ROBO2: variants seen among roughly 807,000 people sequenced by gnomAD.
ROBO2 encodes the protein roundabout guidance receptor 2.
ROBO2 carries 53 observed loss-of-function variants against 160.8 expected under a neutral mutation model. The ratio of observed to expected loss-of-function variants is 0.33; its 90% CI spans 0.26 to 0.41. The LOEUF is 0.41. ROBO2 is among the 10% of genes least tolerant of loss of function. The pLI is 1.00. For synonymous variants in ROBO2, 664 were observed against 611.7 expected, an observed-to-expected ratio of 1.09 and a Z score of -1.26; for missense variants, 1,577 against 1,722.4, an observed-to-expected ratio of 0.92 and a Z score of 1.49.
chr3:76,933,105 A>G (rs2077461428), intron 2 of ROBO2, among the ~76,000 whole-genome samples: 1 of 152,226 alleles, frequency 6.6e-6, no homozygotes, highest in Non-Finnish European at 1.5e-5. Context: ...AAAACTTCAA[A>G]TACTCAAGAA....
intron 16 of ROBO2, among the ~76,000 whole-genome samples, chr3:77,584,021 G>T (rs2093981389): frequency 6.6e-6 from 1 of 152,136 alleles, no homozygotes; most frequent in Admixed American, 6.5e-5. Flanking sequence ...GTGAACATGA[G>T]CTTAAACCTG....
intron 2 of ROBO2, among the ~76,000 whole-genome samples, chr3:76,186,347 C>T (rs1701762253): frequency 6.6e-6 from 1 of 152,044 alleles, no homozygotes. Flanking sequence ...CTATCTCCTT[C>T]CCCCATACCC....
intron 2 of ROBO2, among the ~76,000 whole-genome samples, chr3:76,302,481 G>T (rs1709410838): frequency 6.6e-6 from 1 of 151,970 alleles, no homozygotes; most frequent in East Asian, 1.9e-4. Context: ...GAGCACTCAG[G>T]GGAGAACCGC....
intron 2 of ROBO2, among the ~76,000 whole-genome samples, chr3:76,074,465 T>C (rs556049115): frequency 6.6e-6 from 1 of 152,320 alleles, no homozygotes; most frequent in African/African-American, 2.4e-5. Flanking sequence ...GATTAATTGG[T>C]AATGTGTAAT....
chr3:76,478,185 C>T (rs192042222), intron 2 of ROBO2, among the ~76,000 whole-genome samples: 1 of 127,314 alleles, frequency 7.9e-6, no homozygotes, highest in African/African-American at 2.9e-5. Flanking sequence ...CCCTCCCCCC[C>T]ACCCCACAAC....
intron 2 of ROBO2, among the ~76,000 whole-genome samples, chr3:76,707,633 A>G (rs2093194737): frequency 1.3e-5 from 2 of 151,206 alleles, no homozygotes; most frequent in Admixed American, 1.3e-4. Flanking sequence ...CCTAAATACT[A>G]AGACCCATGG....
chr3:76,691,886 T>C (rs1368280559), intron 2 of ROBO2, among the ~76,000 whole-genome samples: 1 of 152,106 alleles, frequency 6.6e-6, no homozygotes, highest in Non-Finnish European at 1.5e-5. Flanking sequence ...GTACAAATTC[T>C]AGTGACGAAC....
Position 76,066,411 on chromosome 3 carries a change from C to A in ROBO2, c.109+128809C>A, listed in dbSNP as rs2068255592. Among the ~76,000 whole-genome samples, 3 of 152,032 alleles carry A rather than the reference C, an allele frequency of 2.0e-5. No homozygotes were observed. In the South Asian group the frequency reaches 6.2e-4, roughly 32 times the overall value. On this transcript the variant is annotated intron_variant, in intron 2 of 26. Transcript: ENST00000487694. ...CTAATTAATATTTTATATAAGTTAACCTCTTTAGTTGTACAAAATATTAAA... is the reference window on the plus strand; with the variant it reads ...CTAATTAATATTTTATATAAGTTAAACTCTTTAGTTGTACAAAATATTAAA...
At chr3:77,265,703 T>A (rs1198289087) in intron 2 of ROBO2, among the ~76,000 whole-genome samples, 2 of 152,148 alleles carry the variant, frequency 1.3e-5, no homozygotes, top group Non-Finnish European at 2.9e-5. Context: ...TACTGTATAC[T>A]TTCCATCTAA....
chr3:76,938,971 C>CAAAA (rs71629626), intron 2 of ROBO2, among the ~76,000 whole-genome samples: 114 of 114,420 alleles, frequency 1.0e-3, no homozygotes, highest in Admixed American at 1.2e-3. Flanking sequence ...AACTCAGTCT[C>CAAAA]AAAAAAAAAA....
chr3:77,366,610 T>A (rs192897404), intron 2 of ROBO2, among the ~76,000 whole-genome samples: 5 of 152,256 alleles, frequency 3.3e-5, no homozygotes, highest in Admixed American at 1.3e-4. Context: ...GAGTAATTTA[T>A]AAATAAAAAA....
At chr3:76,667,546 A>G (rs1169944914) in intron 2 of ROBO2, among the ~76,000 whole-genome samples, 1 of 149,964 alleles carries the variant, frequency 6.7e-6, no homozygotes, top group African/African-American at 2.5e-5. Flanking sequence ...TCTAAAATTT[A>G]AAATAAGCAG....
intron 6 of ROBO2, among the ~76,000 whole-genome samples, chr3:77,527,898 A>G (rs2091318332): frequency 6.6e-6 from 1 of 151,632 alleles, no homozygotes; most frequent in Non-Finnish European, 1.5e-5. Flanking sequence ...TATTGCCTGC[A>G]TGCCTATTTA....
chr3:76,030,581 A>G (rs1008804897), intron 2 of ROBO2, among the ~76,000 whole-genome samples: 1 of 152,216 alleles, frequency 6.6e-6, no homozygotes, highest in African/African-American at 2.4e-5. Context: ...AGCTTTCTAC[A>G]TATGGCTAGC....
intron 2 of ROBO2, among the ~76,000 whole-genome samples, chr3:77,437,962 T>C (rs2079479131): frequency 6.6e-6 from 1 of 151,998 alleles, no homozygotes; most frequent in African/African-American, 2.4e-5. Context: ...TTATTAAAAA[T>C]CTATGCCTTA....
chr3:76,045,398 G>A (rs1234675208), intron 2 of ROBO2, among the ~76,000 whole-genome samples: 2 of 152,008 alleles, frequency 1.3e-5, no homozygotes, highest in Non-Finnish European at 2.9e-5. Flanking sequence ...GGCCTCAGGA[G>A]CCAGGCAGAT....
chr3:76,598,827 AT>A (rs1388578054), intron 2 of ROBO2, among the ~76,000 whole-genome samples: 1 of 152,162 alleles, frequency 6.6e-6, no homozygotes, highest in Non-Finnish European at 1.5e-5. Context: ...ACAGGGATTA[AT>A]TTTCAATTCT....
At chr3:76,390,001 G>T (rs1362288677) in intron 2 of ROBO2, among the ~76,000 whole-genome samples, 2 of 152,148 alleles carry the variant, frequency 1.3e-5, no homozygotes, top group South Asian at 4.1e-4. Flanking sequence ...CAAATGTCCC[G>T]TGTGAGGTTA....
At chr3:76,955,833 C>T (rs2079210590) in intron 2 of ROBO2, among the ~76,000 whole-genome samples, 1 of 147,898 alleles carries the variant, frequency 6.8e-6, no homozygotes. Flanking sequence ...GAGGCTGAAG[C>T]AGGAGAATCC....
Sources: allele counts gnomAD v4.1 joint callset (sites outside exome capture counted in the v4.1 genomes callset), GRCh38; gene constraint gnomAD v4.1.1; transcripts MANE v1.5; gene names NCBI Gene and HGNC (gene_info 2026-07-23, HGNC 2026-07-21).